The following ATP10B variants were observed in gnomAD, a reference collection of about 807,000 sequenced individuals.
The protein encoded by ATP10B is ATPase phospholipid transporting 10B (putative).
ATP10B carries 122 observed loss-of-function variants against 141.2 expected under a neutral mutation model. The ratio of observed to expected loss-of-function variants is 0.86; its 90% CI spans 0.75 to 1.00. The LOEUF is 1.00. Ranked by LOEUF, ATP10B falls within the 50% of genes least tolerant of loss-of-function variation. The pLI is 0.00. For synonymous variants in ATP10B, 685 were observed against 692.0 expected (o/e 0.99, Z 0.16); for missense variants, 1,876 against 1,825.3 (o/e 1.03, Z -0.51).
intron 6 of ATP10B, among the ~76,000 whole-genome samples, chr5:160,680,469 C>T (rs1395045503): frequency 1.3e-5 from 2 of 152,130 alleles, no homozygotes; most frequent in Non-Finnish European, 2.9e-5. Context: ...TTCATAGAAT[C>T]AATCCACTTC....
the ATP10B span, among the ~76,000 whole-genome samples, chr5:160,877,962 G>A: frequency 6.6e-6 from 1 of 151,602 alleles, no homozygotes; most frequent in East Asian, 1.9e-4. Context: ...ACTGCCCAAG[G>A]TAATTTATAG....
intron 9 of ATP10B, among the ~76,000 whole-genome samples, chr5:160,642,061 G>C (rs1172394407): frequency 6.6e-6 from 1 of 151,940 alleles, no homozygotes; most frequent in Non-Finnish European, 1.5e-5. Flanking sequence ...TTTGGAAAGA[G>C]TTGGGTTCAA....
At chr5:160,904,618 A>G in the ATP10B span, among the ~76,000 whole-genome samples, 1 of 152,210 alleles carries the variant, frequency 6.6e-6, no homozygotes, top group South Asian at 2.1e-4. Context: ...TTTTGCCAAC[A>G]TCAGCAAGAG....
At chr5:160,691,079 C>T (rs1015570982) in intron 3 of ATP10B, among the ~76,000 whole-genome samples, 12 of 152,104 alleles carry the variant, frequency 7.9e-5, no homozygotes, top group Non-Finnish European at 1.2e-4. Context: ...AGCTGGAAAC[C>T]ATCATTCTCA....
intron 20 of ATP10B, 101 bp from the exon 21 acceptor site, chr5:160,602,803 A>G: frequency 1.3e-6 from 2 of 1,506,440 alleles, no homozygotes; most frequent in South Asian, 2.4e-5. Flanking sequence ...TACGGCCAGC[A>G]GAGTCCTAAA....
At chr5:160,871,569 C>T in the ATP10B span, among the ~76,000 whole-genome samples, 3 of 152,080 alleles carry the variant, frequency 2.0e-5, no homozygotes, top group South Asian at 2.1e-4. Flanking sequence ...CATTCTTATA[C>T]CATTGCATTC....
intron 3 of ATP10B, among the ~76,000 whole-genome samples, chr5:160,695,140 A>G (rs768570321): frequency 1.3e-5 from 2 of 152,222 alleles, no homozygotes; most frequent in Non-Finnish European, 2.9e-5. Context: ...GGTTACTTTT[A>G]TTGTAAGGAT....
chr5:160,896,962 T>C, the ATP10B span, among the ~76,000 whole-genome samples: 3 of 152,330 alleles, frequency 2.0e-5, no homozygotes, highest in African/African-American at 7.2e-5. Flanking sequence ...TCTCAATAGA[T>C]GCAGAAAATG....
At chr5:160,657,516 G>T (rs1024000732) in intron 7 of ATP10B, among the ~76,000 whole-genome samples, 3 of 152,178 alleles carry the variant, frequency 2.0e-5, no homozygotes, top group Non-Finnish European at 4.4e-5. Context: ...GGGCTGGAGG[G>T]CTCTGAGGGA....
intron 21 of ATP10B, 39 bp from the exon 22 acceptor site, chr5:160,599,009 T>C (rs1332392323): frequency 5.0e-6 from 8 of 1,602,100 alleles, no homozygotes; most frequent in African/African-American, 1.3e-5. Context: ...TGGGGCTCCA[T>C]GTGCAGCCGG....
the ATP10B span, among the ~76,000 whole-genome samples, chr5:160,873,183 T>A: frequency 6.6e-6 from 1 of 151,936 alleles, no homozygotes; most frequent in East Asian, 1.9e-4. Context: ...CTCTGCGGTC[T>A]CTTGTTTTGG....
chr5:160,893,548 C>T, the ATP10B span, among the ~76,000 whole-genome samples: 1 of 152,188 alleles, frequency 6.6e-6, no homozygotes, highest in Non-Finnish European at 1.5e-5. Context: ...CAGCCCCAAT[C>T]AAGAGCTTAT....
At chr5:160,729,176 T>C (rs1156859030) in intron 2 of ATP10B, among the ~76,000 whole-genome samples, 4 of 150,342 alleles carry the variant, frequency 2.7e-5, no homozygotes, top group African/African-American at 2.4e-5. Flanking sequence ...TCTGACAGCA[T>C]GGAATGATTA....
chr5:160,779,185 C>CA (rs1184958883), intron 2 of ATP10B, among the ~76,000 whole-genome samples: 1 of 152,060 alleles, frequency 6.6e-6, no homozygotes, highest in African/African-American at 2.4e-5. Context: ...AAGTACTTTT[C>CA]AAAACAATTC....
chr5:160,615,668 G>T (rs1757954957), intron 17 of ATP10B, among the ~76,000 whole-genome samples, 170 bp downstream of exon 17: 1 of 152,060 alleles, frequency 6.6e-6, no homozygotes, highest in Non-Finnish European at 1.5e-5. Flanking sequence ...GCTGTGTGTG[G>T]TGTCTGGGTT....
At chr5:160,758,606 C>T (rs1316335859) in intron 2 of ATP10B, among the ~76,000 whole-genome samples, 1 of 152,200 alleles carries the variant, frequency 6.6e-6, no homozygotes. Context: ...CTCTGTCTTC[C>T]AGTCTCTGTG....
At chr5:160,806,681 A>T (rs1772794060) in intron 1 of ATP10B, among the ~76,000 whole-genome samples, 1 of 152,200 alleles carries the variant, frequency 6.6e-6, no homozygotes, top group Non-Finnish European at 1.5e-5. Flanking sequence ...TATGTTTTTA[A>T]TCCACTCAAC....
At chr5:160,720,468 G>A (rs1765923704) in intron 2 of ATP10B, among the ~76,000 whole-genome samples, 1 of 152,168 alleles carries the variant, frequency 6.6e-6, no homozygotes. Context: ...TTGCTCCAGG[G>A]TCCTCTGGAC....
At chr5:160,602,869 C>T in intron 20 of ATP10B, 167 bp from the exon 21 acceptor site, 1 of 766,084 alleles carries the variant, frequency 1.3e-6, no homozygotes, top group Non-Finnish European at 2.0e-6. Context: ...ACCCCACCCT[C>T]CCTTCTGGGA....
Sources: gnomAD v4.1 joint callset for allele counts (sites outside exome capture counted in the v4.1 genomes callset) on GRCh38, gnomAD v4.1.1 for gene constraint, MANE v1.5 for transcripts, NCBI Gene and HGNC (gene_info 2026-07-23, HGNC 2026-07-21) for gene names.